Variants in DNM3 observed in about 807,000 individuals in gnomAD.
DNM3 encodes dynamin 3, also known as dynamin-3.
A neutral mutation model predicts 101.6 loss-of-function variants in DNM3; 47 were observed. That is an observed-to-expected ratio of 0.46 (90% CI 0.37 to 0.59). DNM3 has a LOEUF of 0.59. DNM3 is among the 20% of genes least tolerant of loss of function. The pLI, the probability that DNM3 is intolerant of heterozygous loss-of-function variation, is 0.00. For synonymous variants in DNM3, 385 were observed against 387.9 expected, an observed-to-expected ratio of 0.99 and a Z score of 0.09; for missense variants, 849 against 1,085.7, an observed-to-expected ratio of 0.78 and a Z score of 3.06.
chr1:172,360,900 T>G (rs1573601791), intron 17 of DNM3, among the ~76,000 whole-genome samples: 1 of 151,984 alleles, frequency 6.6e-6, no homozygotes, highest in South Asian at 2.1e-4. Flanking sequence ...TATAAACTTG[T>G]GGAACTCATT....
chr1:172,294,129 CT>C lies in DNM3; in HGVS notation c.1770-14598del, dbSNP rs539996941. 1.4e-4 allele frequency among the ~76,000 whole-genome samples: 21 copies of C among 152,288 alleles called. No individual in the cohort carries two copies. The East Asian group carries it at 2.3e-3, about 17-fold the overall frequency. ...AATCAAAAACTGATGAATTTTGATT[CT>C]GTCAAGATAATCCATCACTCTTTCT... On this transcript the variant is annotated intron_variant, in intron 15 of 20. Coordinates refer to ENST00000627582, the MANE Select transcript of DNM3 (RefSeq NM_015569.5).
At position 172,270,958 on chromosome 1, in the gene DNM3, A is replaced by G. The variant is rs72721178; in HGVS notation, c.1769+17276A>G. On this transcript the variant is annotated intron_variant, in intron 15 of 20. Transcript: ENST00000627582. ...CACCTCACTGAAATCTTTTATAGGT[A>G]AGAGTATGAGTGATATGTGTTATAC... 3.7e-3 allele frequency among the ~76,000 whole-genome samples: 569 copies of G among 152,268 alleles called. 9 individuals are homozygous for G. Among genetic ancestry groups the G allele is most frequent in the Non-Finnish European group, 3.7e-3 (249 of 67,994 alleles).
At position 172,347,293 on chromosome 1, in the gene DNM3, T is replaced by C. The variant is rs77471887; in HGVS notation, c.1893+23953T>C. Among the ~76,000 whole-genome samples the C allele has an allele frequency of 9.3e-3, 1,414 of 152,024 alleles. 31 individuals carry two copies. The highest frequency in any genetic ancestry group is 0.032 in the African/African-American group (1,336 of 41,434). On this transcript the variant is annotated intron_variant, in intron 17 of 20. Coordinates refer to ENST00000627582, the MANE Select transcript of DNM3 (RefSeq NM_015569.5). ...AGAGTTCTAAGGAAAATGAATAGCT[T>C]ACAAAGAACAAAGGAAGGAAGGACA...
chr1:172,161,335 G>A (rs1336229571), intron 14 of DNM3, among the ~76,000 whole-genome samples: 2 of 151,848 alleles, frequency 1.3e-5, no homozygotes, highest in African/African-American at 4.8e-5. Flanking sequence ...CAGAGCACTC[G>A]AATGTTATCA....
intron 13 of DNM3, among the ~76,000 whole-genome samples, chr1:172,119,180 T>C (rs1313627393): frequency 6.6e-6 from 1 of 151,812 alleles, no homozygotes; most frequent in Non-Finnish European, 1.5e-5. Context: ...TTAGTAGAGA[T>C]GGGGTTTATC....
Position 171,934,407 on chromosome 1 carries a change from A to G in DNM3, c.235+12586A>G, listed in dbSNP as rs34080849. Among the ~76,000 whole-genome samples the G allele has an allele frequency of 2.0e-3, 304 of 152,288 alleles. 1 individual carries two copies. The highest frequency in any genetic ancestry group is 6.2e-3 in the Admixed American group (95 of 15,298). On this transcript the variant is annotated intron_variant, in intron 2 of 20. Transcript: ENST00000627582. ...CACTAATTTATGTTATTTGCATTTC[A>G]TTGTCTCTGTATACATTTATTATTG... is the stretch of plus-strand genomic sequence containing the variant.
intron 17 of DNM3, among the ~76,000 whole-genome samples, chr1:172,337,928 T>C (rs1415426699): frequency 6.8e-6 from 1 of 146,904 alleles, no homozygotes; most frequent in Non-Finnish European, 1.5e-5. Flanking sequence ...TTTATTTTAT[T>C]ATTTTGAGAC....
intron 18 of DNM3, among the ~76,000 whole-genome samples, chr1:172,379,806 T>C (rs1244592532): frequency 2.6e-5 from 4 of 151,990 alleles, no homozygotes; most frequent in African/African-American, 9.7e-5. Flanking sequence ...TTTATAGTAG[T>C]CAGAGTATGA....
chr1:172,054,509 T>G (rs2050433623), intron 10 of DNM3, among the ~76,000 whole-genome samples: 1 of 151,508 alleles, frequency 6.6e-6, no homozygotes, highest in Admixed American at 6.6e-5. Flanking sequence ...ACATCTTGAT[T>G]TTTTTTTTAA....
chr1:172,134,011 G>A (rs149656624), intron 14 of DNM3, among the ~76,000 whole-genome samples: 29 of 152,284 alleles, frequency 1.9e-4, no homozygotes, highest in Admixed American at 9.2e-4. Flanking sequence ...AGATTGCCCT[G>A]GCTGCTGGAT....
chr1:172,058,949 A>T (rs1384178598), intron 10 of DNM3, among the ~76,000 whole-genome samples: 1 of 152,202 alleles, frequency 6.6e-6, no homozygotes, highest in Non-Finnish European at 1.5e-5. Context: ...GACTGCTAGC[A>T]AGACTAATAA....
rs140821041 is a variant in DNM3, at chr1:172,078,606, C to T, written c.1423-3226C>T. On this transcript the variant is annotated intron_variant, in intron 11 of 20. Transcript: ENST00000627582. ...GCCAGTCTGTATCTTTTAATTGGGG[C>T]ATTTAGTCCATTTACAATTCAGGTT... is the stretch of plus-strand genomic sequence containing the variant. 3.2e-3 allele frequency among the ~76,000 whole-genome samples: 492 copies of T among 152,238 alleles called. 8 individuals carry two copies. The highest frequency in any genetic ancestry group is 0.028 in the East Asian group (146 of 5,176).
At chr1:172,025,585 G>T (rs892252483) in intron 4 of DNM3, among the ~76,000 whole-genome samples, 12 of 152,170 alleles carry the variant, frequency 7.9e-5, no homozygotes, top group African/African-American at 2.9e-4. Flanking sequence ...GCCCCTCTGG[G>T]ACGAAACTTC....
chr1:172,129,372 T>C (rs763714832), intron 13 of DNM3, among the ~76,000 whole-genome samples: 1 of 152,180 alleles, frequency 6.6e-6, no homozygotes, highest in Non-Finnish European at 1.5e-5. Flanking sequence ...TCATTTGGAA[T>C]GGTAGGTGGC....
intron 15 of DNM3, among the ~76,000 whole-genome samples, chr1:172,278,679 T>A (rs2063379120): frequency 6.6e-6 from 1 of 152,086 alleles, no homozygotes; most frequent in Non-Finnish European, 1.5e-5. Context: ...CAGTTAAAAA[T>A]CAGGAATATC....
At chr1:171,937,454 A>G (rs1383206353) in intron 2 of DNM3, among the ~76,000 whole-genome samples, 1 of 152,194 alleles carries the variant, frequency 6.6e-6, no homozygotes, top group Admixed American at 6.5e-5. Flanking sequence ...TTATTCTTAA[A>G]TTTTAATGTG....
intron 2 of DNM3, among the ~76,000 whole-genome samples, chr1:171,924,567 A>T (rs1376296940): frequency 2.6e-5 from 4 of 152,130 alleles, no homozygotes; most frequent in African/African-American, 9.7e-5. Flanking sequence ...AAAGGGGAGG[A>T]GCCCCTTAAA....
intron 13 of DNM3, among the ~76,000 whole-genome samples, chr1:172,096,066 G>A (rs1266860729): frequency 6.6e-6 from 1 of 152,142 alleles, no homozygotes; most frequent in Non-Finnish European, 1.5e-5. Flanking sequence ...GCAAACTGAA[G>A]TCCACTTCCT....
chr1:171,945,075 GC>G (rs1388903545), intron 2 of DNM3, among the ~76,000 whole-genome samples: 5 of 151,554 alleles, frequency 3.3e-5, no homozygotes, highest in Admixed American at 1.3e-4. Context: ...TCGCTGTGTT[GC>G]CCAGGCTGGT....
Sources: gnomAD v4.1 joint callset for allele counts (sites outside exome capture counted in the v4.1 genomes callset) on GRCh38, gnomAD v4.1.1 for gene constraint, MANE v1.5 for transcripts, NCBI Gene and HGNC (gene_info 2026-07-23, HGNC 2026-07-21) for gene names.